The following NFKBIZ variants were observed in gnomAD, a reference collection of about 807,000 sequenced individuals.
The protein encoded by NFKBIZ is NFKB inhibitor zeta, also known as NF-kappa-B inhibitor zeta.
NFKBIZ carries 19 observed loss-of-function variants against 76.8 expected under a neutral mutation model. The ratio of observed to expected loss-of-function variants is 0.25; its 90% CI spans 0.17 to 0.36. The LOEUF (loss-of-function observed/expected upper bound fraction) is 0.36. NFKBIZ is among the 10% of genes least tolerant of loss of function. The pLI is 1.00. For missense variants in NFKBIZ, 829 were observed against 910.9 expected (o/e 0.91, Z 1.16); for synonymous variants, 368 against 354.8 (o/e 1.04, Z -0.42).
At chr3:101,851,437 C>T (rs1324040667) in intron 1 of NFKBIZ, among the ~76,000 whole-genome samples, 1 of 152,174 alleles carries the variant, frequency 6.6e-6, no homozygotes, top group Admixed American at 6.5e-5. Context: ...TGTTTAAGCT[C>T]AGTGAATTTA....
rs533922987 is a variant in NFKBIZ, at chr3:101,849,607, C to T, written c.-22C>T. On this transcript the variant is annotated 5_prime_UTR_variant, in exon 1 of 12. Transcript: ENST00000326172. ...AGCCGGTGGCGCAGGTGTCGGGGTCCTCGAGCGCCCAGCCTGGGAGCATGA... is the reference window on the plus strand; with the variant it reads ...AGCCGGTGGCGCAGGTGTCGGGGTCTTCGAGCGCCCAGCCTGGGAGCATGA... 2.3e-6 allele frequency: 3 copies of T among 1,324,924 alleles called. No individual in the cohort carries two copies. The highest frequency in any genetic ancestry group is 2.1e-5 in the South Asian group (1 of 47,470). The allele number at this position is 1,324,924 out of a possible 1,614,324, so 82.1% of individuals were successfully genotyped here. A position where few individuals can be genotyped will look rare whatever the true frequency, so the allele number is the denominator to read the frequency against.
At chr3:101,857,637 A>G (rs531808331) in intron 11 of NFKBIZ, 178 bp downstream of exon 11, 18 of 985,432 alleles carry the variant, frequency 1.8e-5, no homozygotes, top group African/African-American at 1.6e-4. Flanking sequence ...GGAAACAGCA[A>G]TTAAGAAATT....
chr3:101,849,339 G>A (rs1942905624), upstream of NFKBIZ: 2 of 276,998 alleles, frequency 7.2e-6, no homozygotes, highest in Non-Finnish European at 1.3e-5. Flanking sequence ...CGGGCGGGGC[G>A]AGGGCGGAGG....
chr3:101,846,194 G>A (rs1409992451), upstream of NFKBIZ, among the ~76,000 whole-genome samples: 3 of 152,174 alleles, frequency 2.0e-5, no homozygotes, highest in Non-Finnish European at 4.4e-5. Context: ...CTCACATGGC[G>A]GGCATATTGG....
rs764033005 is a variant in NFKBIZ, at chr3:101,852,964, C to T, written c.539C>T (p.Pro180Leu). The T allele has an allele frequency of 6.2e-7, 1 of 1,614,148 alleles. No individual in the cohort carries two copies. The highest frequency in any genetic ancestry group is 8.5e-7 in the Non-Finnish European group (1 of 1,180,028). ...TCTGATGGACCTGCTTGCAAAAGGCCAGCTCTGTTGCATTCCCAATTTTTG... is the reference window on the plus strand; with the variant it reads ...TCTGATGGACCTGCTTGCAAAAGGCTAGCTCTGTTGCATTCCCAATTTTTG... ...SLSDGPACKR[P>L]ALLHSQFLTP... Residue 180 changes from proline to leucine, a missense_variant, in exon 4 of 12, where the codon CCA (proline) becomes CTA (leucine). Physicochemically the swap from Pro to Leu is moderately conservative, Grantham distance 98 (BLOSUM62 -3). This residue lies in a region of NFKBIZ where 371 missense variants were observed against 332.3 expected (regional missense o/e 1.12). Coordinates refer to ENST00000326172, the MANE Select transcript of NFKBIZ (RefSeq NM_031419.4).
chr3:101,858,482 G>T (rs1369752787), intron 11 of NFKBIZ: 4 of 977,844 alleles, frequency 4.1e-6, no homozygotes, highest in Non-Finnish European at 4.9e-6. Context: ...ACTGTTTGTG[G>T]TGTGCAGTCA....
At chr3:101,848,728 A>G (rs1310869752), upstream of NFKBIZ, among the ~76,000 whole-genome samples, 1 of 152,266 alleles carries the variant, frequency 6.6e-6, no homozygotes, top group East Asian at 1.9e-4. Flanking sequence ...TACATATACT[A>G]CAGCACCTAC....
upstream of NFKBIZ, among the ~76,000 whole-genome samples, chr3:101,846,182 C>G (rs1159690930): frequency 6.6e-6 from 1 of 152,178 alleles, no homozygotes; most frequent in African/African-American, 2.4e-5. Flanking sequence ...CAAAGTAGCT[C>G]ACTCACATGG....
At chr3:101,840,434 T>C (rs1191816152) in intron 2 of NFKBIZ, among the ~76,000 whole-genome samples, 1 of 152,212 alleles carries the variant, frequency 6.6e-6, no homozygotes, top group Admixed American at 6.5e-5. Context: ...GAAAGTGTGG[T>C]ACACAGGTAG....
intron 2 of NFKBIZ, among the ~76,000 whole-genome samples, 164 bp from the exon 3 acceptor site, chr3:101,852,574 G>T (rs1256583835): frequency 6.6e-6 from 1 of 152,148 alleles, no homozygotes; most frequent in African/African-American, 2.4e-5. Context: ...TGAGGAAGTC[G>T]CAAGATAGAA....
At chr3:101,842,463 G>T (rs985097734) in intron 2 of NFKBIZ, among the ~76,000 whole-genome samples, 4 of 152,060 alleles carry the variant, frequency 2.6e-5, no homozygotes, top group Non-Finnish European at 5.9e-5. Context: ...CCAACCTGTG[G>T]CCCATGGGCT....
At chr3:101,850,094 C>T (rs577809892) in intron 1 of NFKBIZ, among the ~76,000 whole-genome samples, 177 bp downstream of exon 1, 2 of 152,194 alleles carry the variant, frequency 1.3e-5, no homozygotes, top group African/African-American at 2.4e-5. Flanking sequence ...CTGACCTACA[C>T]GCCCTTCGCC....
chr3:101,849,874 G>A lies in NFKBIZ; in HGVS notation c.246G>A (p.Val82=). ...SASSVSSCGA[V]ESRSRGGARA... is the part of the protein sequence containing the mutation. ...CGTCGGTGTCCTCCTGCGGCGCCGT[G>A]GAGTCCCGGTCGAGAGGCGGCGCCC... Residue 82 remains valine (V), a synonymous_variant, in exon 1 of 12, where the codon GTG becomes GTA. Coordinates refer to ENST00000326172, the MANE Select transcript of NFKBIZ (RefSeq NM_031419.4). 3.4e-6 allele frequency: 5 copies of A among 1,456,064 alleles called. No homozygotes were observed. Among genetic ancestry groups the A allele is most frequent in the Non-Finnish European group, 3.6e-6 (4 of 1,112,242 alleles). The allele number at this position is 1,456,064 out of a possible 1,614,324, so 90.2% of individuals were successfully genotyped here. A position where few individuals can be genotyped will look rare whatever the true frequency, so the allele number is the denominator to read the frequency against.
intron 2 of NFKBIZ, among the ~76,000 whole-genome samples, chr3:101,829,844 G>A (rs1299222253): frequency 4.6e-5 from 7 of 151,644 alleles, no homozygotes; most frequent in Middle Eastern, 3.4e-3. Flanking sequence ...TTATTTATAG[G>A]CATTTTACTG....
rs1430778183 is a variant in NFKBIZ at position 101,853,479 on chromosome 3, A to C, written c.953A>C (p.Gln318Pro). 1.9e-6 allele frequency: 3 copies of C among 1,614,086 alleles called. No homozygotes were observed. Among genetic ancestry groups the C allele is most frequent in the Non-Finnish European group, 2.5e-6 (3 of 1,180,014 alleles). The change falls in exon 5 of 12, where the codon CAG (glutamine) becomes CCG (proline). Residue 318 changes from glutamine (Q) to proline (P), a missense_variant. Gln to Pro is a moderately conservative substitution (Grantham distance 76). Coordinates refer to ENST00000326172, the MANE Select transcript of NFKBIZ (RefSeq NM_031419.4). The stretch of plus-strand genomic sequence containing the variant: ...TACAGTCCTTTTCCCATACCTCCCC[A>C]GTCCCCCGCTTATGAACCAAACCTC... The part of the protein sequence containing the change: ...LEYSPFPIPP[Q>P]SPAYEPNLFD...
intron 2 of NFKBIZ, among the ~76,000 whole-genome samples, chr3:101,834,971 A>G (rs1942697143): frequency 6.6e-6 from 1 of 152,180 alleles, no homozygotes; most frequent in Non-Finnish European, 1.5e-5. Context: ...GTTCTCTTCA[A>G]GTTGGGCCGA....
rs1942911993 is a variant in NFKBIZ, at chr3:101,849,523, C to T, written c.-106C>T. 2 of 1,029,854 alleles carry T rather than the reference C, an allele frequency of 1.9e-6. No homozygotes were observed. The highest frequency in any genetic ancestry group is 2.5e-6 in the Non-Finnish European group (2 of 792,674). 63.8% of individuals were successfully genotyped at this position (1,029,854 alleles called of 1,614,324 possible). A position where few individuals can be genotyped will look rare whatever the true frequency, so the allele number is the denominator to read the frequency against. ...GTCCCGCGCCGCGCCCGTACTGGCC[C>T]GCGCCGTCCGCCCGCCGACAGCTCC... On this transcript the variant is annotated 5_prime_UTR_variant, in exon 1 of 12. Coordinates refer to ENST00000326172, the MANE Select transcript of NFKBIZ (RefSeq NM_031419.4).
At chr3:101,854,549 T>G (rs1560088823) in intron 5 of NFKBIZ, 29 bp from the exon 6 acceptor site, 2 of 1,415,450 alleles carry the variant, frequency 1.4e-6, no homozygotes, top group South Asian at 2.4e-5. Flanking sequence ...CAGAAGTGAT[T>G]CACCCGCTTT....
At position 101,857,170 on chromosome 3, in the gene NFKBIZ, T is replaced by G; in HGVS notation, c.1922T>G (p.Phe641Cys). Reference protein sequence around the residue: ...LFLELPSCLSFVNAKAYNGNT... With the variant: ...LFLELPSCLSCVNAKAYNGNT... ...TTGGAGCTGCCCAGTTGCCTGTCTTTTGTGAATGCAAAGGTACACCAGAGT... is the reference window on the plus strand; with the variant it reads ...TTGGAGCTGCCCAGTTGCCTGTCTTGTGTGAATGCAAAGGTACACCAGAGT... The change falls in exon 10 of 12, where the codon TTT becomes TGT. Residue 641 changes from phenylalanine (F) to cysteine (C), a missense_variant. Phe to Cys is a radical substitution (Grantham distance 205, BLOSUM62 -2). This residue lies in a region of NFKBIZ where 272 missense variants were observed against 384.2 expected (regional missense o/e 0.71). Transcript: ENST00000326172. The G allele has an allele frequency of 2.6e-6, 1 of 377,770 alleles. No homozygotes were observed. Among genetic ancestry groups the G allele is most frequent in the Non-Finnish European group, 3.9e-6 (1 of 258,342 alleles). 23.4% of individuals were successfully genotyped at this position (377,770 alleles called of 1,614,324 possible). A position where few individuals can be genotyped will look rare whatever the true frequency, so the allele number is the denominator to read the frequency against.
Sources: gnomAD v4.1 joint callset for allele counts (sites outside exome capture counted in the v4.1 genomes callset) on GRCh38, gnomAD v4.1.1 for gene constraint, gnomAD v4.1.1 regional missense constraint, MANE v1.5 for transcripts, NCBI Gene and HGNC (gene_info 2026-07-23, HGNC 2026-07-21) for gene names.